GPC4: variants seen among roughly 807,000 people sequenced by gnomAD.
GPC4 encodes glypican 4, also known as glypican-4.
In GPC4, 10 loss-of-function variants were observed where a neutral mutation model predicts 35.0. The observed-to-expected ratio is 0.29, with a 90% CI of 0.18 to 0.48. GPC4 has a LOEUF of 0.48. Ranked by LOEUF, GPC4 falls within the 20% of genes least tolerant of loss-of-function variation. GPC4 has a pLI of 0.99. For missense variants in GPC4, 322 were observed against 451.3 expected, an observed-to-expected ratio of 0.71 and a Z score of 2.60; for synonymous variants, 167 against 170.2, an observed-to-expected ratio of 0.98 and a Z score of 0.15.
At chrX:133,337,515 T>C (rs770402502) in intron 2 of GPC4, among the ~76,000 whole-genome samples, 1 of 111,760 alleles carries the variant, frequency 8.9e-6, no homozygotes, top group Non-Finnish European at 1.9e-5. Flanking sequence ...AACAACTTTA[T>C]CTCCACTACA....
In GPC4 at chrX:133,362,019, G is replaced by T. The variant is rs143945098; in HGVS notation, c.161-22678C>A. The stretch of plus-strand genomic sequence containing the variant: ...GCTTGAGCTCAAGAGTTCAAGACCA[G>T]CCTGGGCAACAGATTGAGACCTCGT... On this transcript the variant is annotated intron_variant, in intron 1 of 8. Transcript: ENST00000370828. Among the ~76,000 whole-genome samples the T allele has an allele frequency of 9.0e-5, 10 of 110,566 alleles. No individual in the cohort carries two copies. In the East Asian group the frequency reaches 2.6e-3, roughly 28 times the overall value.
chrX:133,354,082 T>C (rs2068528940), intron 1 of GPC4, among the ~76,000 whole-genome samples: 1 of 112,164 alleles, frequency 8.9e-6, no homozygotes, highest in East Asian at 2.8e-4. Flanking sequence ...CAGGACCTTC[T>C]GCCAGCAAAG....
intron 1 of GPC4, among the ~76,000 whole-genome samples, chrX:133,358,892 TCA>T (rs2068553758): frequency 9.0e-6 from 1 of 110,966 alleles, no homozygotes; most frequent in Non-Finnish European, 1.9e-5. Flanking sequence ...GTGTGAAGAT[TCA>T]CAGACATGAA....
intron 1 of GPC4, among the ~76,000 whole-genome samples, chrX:133,388,560 A>G (rs2068703681): frequency 9.3e-6 from 1 of 107,677 alleles, no homozygotes; most frequent in African/African-American, 3.4e-5. Context: ...TTTGAAACGG[A>G]GTCTTGCTCT....
At chrX:133,304,908 A>G in intron 6 of GPC4, 47 bp from the exon 7 acceptor site, 1 of 1,158,275 alleles carries the variant, frequency 8.6e-7, no homozygotes, top group Non-Finnish European at 1.2e-6. Context: ...GTAAGACAAG[A>G]CAAAACTACC....
At chrX:133,405,178 G>A (rs970112891) in intron 1 of GPC4, among the ~76,000 whole-genome samples, 5 of 100,202 alleles carry the variant, frequency 5.0e-5, no homozygotes, top group Admixed American at 1.2e-4. Flanking sequence ...GCTCAATCTC[G>A]GCTCACTGCA....
At chrX:133,367,581 A>G (rs1315475626) in intron 1 of GPC4, among the ~76,000 whole-genome samples, 2 of 112,379 alleles carry the variant, frequency 1.8e-5, no homozygotes, top group African/African-American at 6.5e-5. Flanking sequence ...TAACAATTAT[A>G]CTGAGGGCTG....
At chrX:133,343,111 A>G (rs1165899412) in intron 1 of GPC4, among the ~76,000 whole-genome samples, 1 of 111,786 alleles carries the variant, frequency 8.9e-6, no homozygotes, top group East Asian at 2.8e-4. Context: ...AGCATTGGAC[A>G]CTTGCACTTT....
intron 1 of GPC4, among the ~76,000 whole-genome samples, chrX:133,361,288 T>C (rs188596914): frequency 3.7e-4 from 42 of 112,291 alleles, no homozygotes; most frequent in Non-Finnish European, 3.2e-4. Flanking sequence ...TTGCTGGTGA[T>C]ACGCTACCAG....
chrX:133,356,063 A>G (rs2068540356), intron 1 of GPC4, among the ~76,000 whole-genome samples: 1 of 111,593 alleles, frequency 9.0e-6, no homozygotes, highest in Non-Finnish European at 1.9e-5. Flanking sequence ...ATGGCGTAAC[A>G]GTCAGGCACT....
At chrX:133,321,037 G>A (rs898896022) in intron 3 of GPC4, among the ~76,000 whole-genome samples, 1 of 111,774 alleles carries the variant, frequency 8.9e-6, no homozygotes. Flanking sequence ...GCAAGATCCT[G>A]CCTCTTTTAA....
At chrX:133,385,469 C>T (rs997913203) in intron 1 of GPC4, among the ~76,000 whole-genome samples, 1 of 112,181 alleles carries the variant, frequency 8.9e-6, no homozygotes. Context: ...AAGTAATTGT[C>T]ATAATAATGG....
At chrX:133,346,249 C>G (rs1221843380) in intron 1 of GPC4, among the ~76,000 whole-genome samples, 12 of 111,767 alleles carry the variant, frequency 1.1e-4, no homozygotes, top group Non-Finnish European at 2.3e-4. Context: ...GTCACTTAAG[C>G]GTGGAAAGTT....
chrX:133,348,322 T>G (rs2068502316), intron 1 of GPC4, among the ~76,000 whole-genome samples: 2 of 112,588 alleles, frequency 1.8e-5, no homozygotes, highest in Non-Finnish European at 3.7e-5. Flanking sequence ...CCATCACTTC[T>G]GAGCAGCTGA....
At chrX:133,305,439 T>G (rs2068286521) in intron 6 of GPC4, among the ~76,000 whole-genome samples, 1 of 112,534 alleles carries the variant, frequency 8.9e-6, no homozygotes, top group South Asian at 3.7e-4. Flanking sequence ...GCCTCCTTGT[T>G]GGTGCCTTTT....
intron 6 of GPC4, 24 bp downstream of exon 6, chrX:133,305,748 G>C (rs745923292): frequency 8.3e-7 from 1 of 1,204,974 alleles, no homozygotes; most frequent in Admixed American, 2.2e-5. Flanking sequence ...CATTAAACAC[G>C]GCCCTTCCTG....
chrX:133,343,199 C>G (rs184785553), intron 1 of GPC4, among the ~76,000 whole-genome samples: 2 of 112,186 alleles, frequency 1.8e-5, no homozygotes, highest in Admixed American at 1.9e-4. Flanking sequence ...AGCTGTGGAA[C>G]AGCTGAGTAT....
In GPC4 at chrX:133,324,294, C is replaced by G; in HGVS notation, c.562G>C (p.Glu188Gln). ...SQYHFTDEYL[E>Q]CVSKYTEQLK... ...TGCTCCGTATACTTGCTCACACATT[C>G]CAGATACTCATCTGTAAAGTGGTAC... The change falls in exon 3 of 9, where the codon GAA (glutamate) becomes CAA (glutamine). Residue 188 changes from glutamate to glutamine, a missense_variant. By Grantham distance (29) the Glu-to-Gln change is conservative. Coordinates refer to ENST00000370828, the MANE Select transcript of GPC4 (RefSeq NM_001448.3). 1 of 1,211,650 alleles carries G rather than the reference C, an allele frequency of 8.3e-7. No homozygotes were observed.
chrX:133,375,956 G>A (rs190658244), intron 1 of GPC4, among the ~76,000 whole-genome samples: 3 of 111,974 alleles, frequency 2.7e-5, no homozygotes, highest in African/African-American at 6.5e-5. Flanking sequence ...TAGGAAGGGA[G>A]AGAAGAATGT....
Sources: gnomAD v4.1 joint callset for allele counts (sites outside exome capture counted in the v4.1 genomes callset) on GRCh38, gnomAD v4.1.1 for gene constraint, MANE v1.5 for transcripts, NCBI Gene and HGNC (gene_info 2026-07-23, HGNC 2026-07-21) for gene names.